The following EP400 variants were observed in gnomAD, a reference collection of about 807,000 sequenced individuals.
EP400 encodes the protein E1A binding protein p400.
A neutral mutation model predicts 354.1 loss-of-function variants in EP400; 105 were observed. That is an observed-to-expected ratio of 0.30 (90% CI 0.25 to 0.35). The LOEUF is 0.35. Ranked by LOEUF, EP400 falls within the 10% of genes least tolerant of loss-of-function variation. The pLI, the probability that EP400 is intolerant of heterozygous loss-of-function variation, is 1.00. For synonymous variants in EP400, 1,646 were observed against 1,716.9 expected (o/e 0.96, Z 1.02); for missense variants, 3,280 against 4,121.0 (o/e 0.80, Z 5.59).
chr12:132,013,194 G>C lies in EP400; in HGVS notation c.3611+16G>C. ...CCCTGCAGAGGTCTGTGTGTTACGCGCTTGTCATTGAGTGTTCTTTGCTGT... is the reference window on the plus strand; with the variant it reads ...CCCTGCAGAGGTCTGTGTGTTACGCCCTTGTCATTGAGTGTTCTTTGCTGT... On this transcript the variant is annotated intron_variant, in intron 17 of 52. Transcript: ENST00000389561. The surrounding 1 kb of genome is among the most constrained non-coding windows in gnomAD (Gnocchi z 4.5). The C allele has an allele frequency of 3.8e-6, 6 of 1,595,894 alleles. No homozygotes were observed. The highest frequency in any genetic ancestry group is 5.1e-6 in the Non-Finnish European group (6 of 1,167,890).
At chr12:132,037,316 G>A (rs1019267927) in intron 30 of EP400, among the ~76,000 whole-genome samples, 3 of 152,238 alleles carry the variant, frequency 2.0e-5, no homozygotes, top group African/African-American at 7.2e-5. Flanking sequence ...GAAGTGATCA[G>A]TTCTGCCTGT....
intron 12 of EP400, 167 bp downstream of exon 12, chr12:131,995,123 G>T: frequency 1.7e-6 from 1 of 595,640 alleles, no homozygotes. Context: ...GGAGGTCCTG[G>T]CCCTCCTGGG....
rs900917344 is a variant in EP400, at chr12:132,074,538, C to A, written c.9022-1978C>A. Among the ~76,000 whole-genome samples, 3 of 152,230 alleles carry A rather than the reference C, an allele frequency of 2.0e-5. No individual in the cohort carries two copies. In the East Asian group the frequency reaches 5.8e-4, roughly 29 times the overall value. Reference sequence around the variant, plus strand: ...TTGCAGTTTCATTCCAATGCTCCAGCTTCTTGAATCTCGGGCAGTCTCTCT... The same window carrying A: ...TTGCAGTTTCATTCCAATGCTCCAGATTCTTGAATCTCGGGCAGTCTCTCT... On this transcript the variant is annotated intron_variant, in intron 51 of 52. Coordinates refer to ENST00000389561, the MANE Select transcript of EP400 (RefSeq NM_015409.5).
At position 132,023,784 on chromosome 12, in the gene EP400, G is replaced by A. The variant is rs2136546242; in HGVS notation, c.4698G>A (p.Glu1566=). 6.2e-7 allele frequency: 1 copy of A among 1,613,218 alleles called. No homozygotes were observed. The change falls in exon 24 of 53, where the codon GAG becomes GAA. Residue 1566 remains glutamate (E), a synonymous_variant. Coordinates refer to ENST00000389561, the MANE Select transcript of EP400 (RefSeq NM_015409.5). ...SQAQARLPSG[E]VVKIAQLASI... Reference sequence around the variant, plus strand: ...TCCTCTACGTTTCAACAGGTGGAGAGGTAGTGAAAATAGCTCAGCTGGCAT... The same window carrying A: ...TCCTCTACGTTTCAACAGGTGGAGAAGTAGTGAAAATAGCTCAGCTGGCAT...
rs751205485 is a variant in EP400, at chr12:131,961,740, A to G, written c.1121A>G (p.Gln374Arg). The G allele has an allele frequency of 7.4e-6, 12 of 1,614,274 alleles. No individual in the cohort carries two copies. Among genetic ancestry groups the G allele is most frequent in the Non-Finnish European group, 9.3e-6 (11 of 1,180,054 alleles). Residue 374 changes from glutamine to arginine, a missense_variant, in exon 2 of 53, where the codon CAG becomes CGG. By Grantham distance (43) the Gln-to-Arg change is conservative. Around this residue, in one of 20 missense-constraint regions of EP400, gnomAD observed 85 missense variants for 180.3 expected, o/e 0.47. Coordinates refer to ENST00000389561, the MANE Select transcript of EP400 (RefSeq NM_015409.5). ...MRKQCLDYHY[Q>R]EMQALKEVFK... ...AAGCAGTGCCTGGACTATCATTACC[A>G]GGAGATGCAGGCTCTGAAGGAGGTC...
intron 10 of EP400, among the ~76,000 whole-genome samples, chr12:131,991,882 C>T (rs950012065): frequency 3.3e-5 from 5 of 152,142 alleles, no homozygotes; most frequent in African/African-American, 1.2e-4. Flanking sequence ...CTACCGTGCC[C>T]CGCCTATTAC....
chr12:132,015,878 G>T (rs1222856579), intron 19 of EP400, among the ~76,000 whole-genome samples: 2 of 152,100 alleles, frequency 1.3e-5, no homozygotes, highest in Non-Finnish European at 2.9e-5. Flanking sequence ...GTCCTGGTCA[G>T]CTCCCCCCTC....
intron 5 of EP400, among the ~76,000 whole-genome samples, chr12:131,984,366 A>T (rs1593325573): frequency 6.6e-6 from 1 of 152,120 alleles, no homozygotes; most frequent in East Asian, 1.9e-4. Context: ...CAACCTTATG[A>T]GGTAGAATCT....
chr12:131,997,708 G>A (rs551261551), intron 12 of EP400, among the ~76,000 whole-genome samples: 1 of 151,002 alleles, frequency 6.6e-6, no homozygotes, highest in Non-Finnish European at 1.5e-5. Flanking sequence ...CTTCATCCTC[G>A]TCATCTTCAC....
Position 132,002,311 on chromosome 12 carries a change from A to G in EP400, c.2828-2766A>G, listed in dbSNP as rs149157090. On this transcript the variant is annotated intron_variant, in intron 12 of 52. Coordinates refer to ENST00000389561, the MANE Select transcript of EP400 (RefSeq NM_015409.5). Reference sequence around the variant, plus strand: ...TATTTTCTCACCTGTTCTTTAGTCAATCTCTTTATGGTTAAAGCATCAGGC... The same window carrying G: ...TATTTTCTCACCTGTTCTTTAGTCAGTCTCTTTATGGTTAAAGCATCAGGC... Among the ~76,000 whole-genome samples the G allele has an allele frequency of 6.6e-4, 101 of 152,224 alleles. No individual in the cohort carries two copies. In the East Asian group the frequency reaches 7.5e-3, roughly 11 times the overall value.
In EP400 at chr12:132,045,360, G is replaced by T; in HGVS notation, c.6826G>T (p.Val2276Phe). 1.2e-6 allele frequency: 2 copies of T among 1,614,236 alleles called. No homozygotes were observed. The highest frequency in any genetic ancestry group is 1.7e-6 in the Non-Finnish European group (2 of 1,180,050). Residue 2276 changes from valine (V) to phenylalanine (F), a missense_variant, in exon 38 of 53, where the codon GTC becomes TTC. By Grantham distance (50) the Val-to-Phe change is conservative (BLOSUM62 -1). This residue lies in a region of EP400 where 231 missense variants were observed against 257.9 expected (regional missense o/e 0.90). Transcript: ENST00000389561. ...KKKQRHGEAV[V>F]PPRSLFDRAT... Reference sequence around the variant, plus strand: ...GAAGCAGCGTCACGGGGAGGCGGTCGTCCCTCCTCGGTCCCTGTTTGACCG... The same window carrying T: ...GAAGCAGCGTCACGGGGAGGCGGTCTTCCCTCCTCGGTCCCTGTTTGACCG...
chr12:131,958,852 A>G (rs2136463792), intron 1 of EP400, among the ~76,000 whole-genome samples: 1 of 152,274 alleles, frequency 6.6e-6, no homozygotes, highest in Admixed American at 6.5e-5. Flanking sequence ...CATGGTTTTT[A>G]AAAATCCGTT....
chr12:132,033,589 T>C (rs1593361953), intron 30 of EP400, among the ~76,000 whole-genome samples: 1 of 151,400 alleles, frequency 6.6e-6, no homozygotes, highest in Non-Finnish European at 1.5e-5. Flanking sequence ...TGGAGTGCAG[T>C]GGCATGATCT....
intron 12 of EP400, among the ~76,000 whole-genome samples, chr12:132,001,699 C>T (rs934526743): frequency 9.2e-5 from 14 of 152,152 alleles, no homozygotes; most frequent in African/African-American, 2.7e-4. Flanking sequence ...CTGGCGTTAC[C>T]GCTAGACCCA....
At chr12:131,955,069 A>C (rs953368635) in intron 1 of EP400, among the ~76,000 whole-genome samples, 7 of 152,092 alleles carry the variant, frequency 4.6e-5, no homozygotes, top group Non-Finnish European at 8.8e-5. Context: ...AAAATTAGAA[A>C]CTTAGTCGTT....
chr12:131,996,311 T>TTTTTTTTTTTTA (rs1227686378), intron 12 of EP400, among the ~76,000 whole-genome samples: 1 of 150,420 alleles, frequency 6.6e-6, no homozygotes, highest in Non-Finnish European at 1.5e-5. Flanking sequence ...TTTTTTTTTT[T>TTTTTTTTTTTTA]GAGATGGAGT....
chr12:132,022,685 G>A (rs887594216), intron 23 of EP400, among the ~76,000 whole-genome samples: 1 of 151,322 alleles, frequency 6.6e-6, no homozygotes, highest in African/African-American at 2.4e-5. Context: ...AACAGTAAAT[G>A]TTATAGATTG....
chr12:132,018,443 T>TG lies in EP400; in HGVS notation c.4277+68dup, dbSNP rs1265042989. 4 of 1,532,652 alleles carry TG rather than the reference T, an allele frequency of 2.6e-6. No homozygotes were observed. In the African/African-American group the frequency reaches 5.6e-5, roughly 21 times the overall value. 94.9% of individuals were successfully genotyped at this position (1,532,652 alleles called of 1,614,324 possible). On this transcript the variant is annotated intron_variant, in intron 21 of 52. Transcript: ENST00000389561. The surrounding 1 kb of genome is among the most constrained non-coding windows in gnomAD (Gnocchi z 4.0). ...GGCCCCCACAGCTGACCCAGGTCTATGCGTGGTGAAAAGAAAGGCTGCTAA... is the reference window on the plus strand; with the variant it reads ...GGCCCCCACAGCTGACCCAGGTCTATGGCGTGGTGAAAAGAAAGGCTGCTAA...
intron 2 of EP400, among the ~76,000 whole-genome samples, chr12:131,966,763 G>T (rs946841696): frequency 6.6e-6 from 1 of 151,530 alleles, no homozygotes; most frequent in African/African-American, 2.4e-5. Context: ...AATTAGCCGG[G>T]CATGGTGGCG....
Sources: gnomAD v4.1 joint callset for allele counts (sites outside exome capture counted in the v4.1 genomes callset) on GRCh38, gnomAD v4.1.1 for gene constraint, gnomAD v4.1.1 regional missense constraint, Gnocchi (gnomAD v3.1) non-coding constraint, MANE v1.5 for transcripts, NCBI Gene and HGNC (gene_info 2026-07-23, HGNC 2026-07-21) for gene names.